SYT17: variants seen among roughly 807,000 people sequenced by gnomAD.
SYT17 encodes the protein synaptotagmin 17, also known as synaptotagmin-17.
A neutral mutation model predicts 46.7 loss-of-function variants in SYT17; 22 were observed. That is an observed-to-expected ratio of 0.47 (90% confidence interval 0.34 to 0.67). The LOEUF is 0.67. Ranked by LOEUF, SYT17 falls within the 30% of genes least tolerant of loss-of-function variation. SYT17 has a pLI of 0.01. For synonymous variants in SYT17, 251 were observed against 248.4 expected (o/e 1.01, Z -0.10); for missense variants, 519 against 612.8 (o/e 0.85, Z 1.62).
At chr16:19,264,769 T>C (rs1969249476) in intron 7 of SYT17, among the ~76,000 whole-genome samples, 1 of 152,078 alleles carries the variant, frequency 6.6e-6, no homozygotes, top group South Asian at 2.1e-4. Flanking sequence ...TTTTTTGTAT[T>C]TTTTAGTAAA....
intron 5 of SYT17, among the ~76,000 whole-genome samples, chr16:19,206,342 G>A (rs775776853): frequency 5.3e-5 from 8 of 152,158 alleles, no homozygotes; most frequent in Non-Finnish European, 1.0e-4. Flanking sequence ...TATATATATG[G>A]TATGTGTCCT....
chr16:19,261,892 C>T (rs1299933045), intron 7 of SYT17, among the ~76,000 whole-genome samples: 3 of 152,146 alleles, frequency 2.0e-5, no homozygotes, highest in East Asian at 1.9e-4. Context: ...TCATTTCCTC[C>T]AGTCTTATTC....
At chr16:19,189,400 G>T (rs867452994) in intron 5 of SYT17, among the ~76,000 whole-genome samples, 2 of 146,832 alleles carry the variant, frequency 1.4e-5, no homozygotes, top group Non-Finnish European at 3.0e-5. Context: ...GATTGCAGTC[G>T]TGTAATCATG....
chr16:19,228,792 A>G (rs80031226), intron 7 of SYT17, among the ~76,000 whole-genome samples: 1,685 of 152,264 alleles, frequency 0.011, 26 homozygotes, highest in African/African-American at 0.038. Context: ...TTATTTGTCC[A>G]CTGAGAGAAA....
chr16:19,203,823 G>A (rs1164496795), intron 5 of SYT17, among the ~76,000 whole-genome samples: 1 of 152,240 alleles, frequency 6.6e-6, no homozygotes, highest in Non-Finnish European at 1.5e-5. Context: ...AGGGATACCT[G>A]CCCTGCTGTG....
At chr16:19,242,108 T>C (rs62025396) in intron 7 of SYT17, among the ~76,000 whole-genome samples, 579 of 152,296 alleles carry the variant, frequency 3.8e-3, no homozygotes, top group Non-Finnish European at 6.6e-3. Context: ...GTTATATGTC[T>C]CAAGTGTTTA....
At chr16:19,194,818 G>A (rs1965169143) in intron 5 of SYT17, among the ~76,000 whole-genome samples, 1 of 152,010 alleles carries the variant, frequency 6.6e-6, no homozygotes, top group South Asian at 2.1e-4. Flanking sequence ...GGCTGGTCTC[G>A]AACTCCTGAC....
intron 7 of SYT17, among the ~76,000 whole-genome samples, chr16:19,229,458 G>A (rs1201679651): frequency 6.6e-6 from 1 of 152,032 alleles, no homozygotes; most frequent in Non-Finnish European, 1.5e-5. Context: ...CAGATCTCAG[G>A]AGAACTCACT....
chr16:19,173,611 C>T, intron 3 of SYT17, 33 bp downstream of exon 3: 1 of 1,607,458 alleles, frequency 6.2e-7, no homozygotes, highest in Non-Finnish European at 8.5e-7. Flanking sequence ...TCTCTGAAAT[C>T]AATTTCAAGA....
At chr16:19,173,158 A>T (rs1042578358) in intron 2 of SYT17, 1 of 541,778 alleles carries the variant, frequency 1.8e-6, no homozygotes, top group African/African-American at 1.9e-5. Flanking sequence ...CGTTCACATA[A>T]ACTACAAAAG....
In SYT17 at chr16:19,235,217, G is replaced by A. The variant is rs1033366447; in HGVS notation, c.1228+10379G>A. ...TTAAGAATAGGTTCCATAAAACTGT[G>A]TATGTACTACTGGACTCATCTCCAA... On this transcript the variant is annotated intron_variant, in intron 7 of 7. Coordinates refer to ENST00000355377, the MANE Select transcript of SYT17 (RefSeq NM_016524.4). Among the ~76,000 whole-genome samples, 7 of 151,978 alleles carry A rather than the reference G, an allele frequency of 4.6e-5. No homozygotes were observed. The South Asian group carries it at 1.5e-3, about 32-fold the overall frequency.
chr16:19,202,114 A>G (rs1432335091), intron 5 of SYT17, among the ~76,000 whole-genome samples: 4 of 151,956 alleles, frequency 2.6e-5, no homozygotes, highest in Admixed American at 2.6e-4. Flanking sequence ...TTCAATTCAT[A>G]CGGACACTAA....
At chr16:19,242,665 A>T (rs1182365211) in intron 7 of SYT17, among the ~76,000 whole-genome samples, 1 of 152,106 alleles carries the variant, frequency 6.6e-6, no homozygotes, top group African/African-American at 2.4e-5. Flanking sequence ...AGCTGGGACT[A>T]TAGGTGTGTG....
chr16:19,245,413 T>A (rs565116533), intron 7 of SYT17, among the ~76,000 whole-genome samples: 4 of 152,282 alleles, frequency 2.6e-5, no homozygotes, highest in Non-Finnish European at 5.9e-5. Flanking sequence ...GCTAGAATGA[T>A]GGGATTCTGT....
rs1230133766 is a variant in SYT17 at position 19,257,475 on chromosome 16, G to A, written c.1229-9405G>A. On this transcript the variant is annotated intron_variant, in intron 7 of 7. Transcript: ENST00000355377. ...AAAAAAGAGAGTGCTCCAGTGAGAA[G>A]AGGTTTTGCAAAAGTTGGAAAGACA... is the stretch of plus-strand genomic sequence containing the variant. Among the ~76,000 whole-genome samples the A allele has an allele frequency of 2.6e-5, 4 of 152,162 alleles. No individual in the cohort carries two copies. In the South Asian group the frequency reaches 6.2e-4, roughly 24 times the overall value.
intron 7 of SYT17, among the ~76,000 whole-genome samples, chr16:19,242,525 A>G (rs1468385330): frequency 6.7e-6 from 1 of 149,778 alleles, no homozygotes; most frequent in Non-Finnish European, 1.5e-5. Context: ...TTTTTTTTTA[A>G]TTAAAAAAAT....
chr16:19,209,602 G>A (rs550251595), intron 5 of SYT17, among the ~76,000 whole-genome samples: 37 of 152,110 alleles, frequency 2.4e-4, no homozygotes, highest in Non-Finnish European at 4.4e-4. Flanking sequence ...TGGGCGCGGT[G>A]GCTCACGCCT....
intron 1 of SYT17, 59 bp from the exon 2 acceptor site, chr16:19,172,697 CTCTT>C (rs1964147532): frequency 6.3e-6 from 10 of 1,590,686 alleles, no homozygotes; most frequent in African/African-American, 2.8e-5. Context: ...GGTCTTGTCT[CTCTT>C]TCTTTAACCC....
At chr16:19,243,308 A>C (rs574211142) in intron 7 of SYT17, among the ~76,000 whole-genome samples, 4 of 152,146 alleles carry the variant, frequency 2.6e-5, no homozygotes, top group Non-Finnish European at 5.9e-5. Flanking sequence ...TCCAGGAACC[A>C]GGGAGAGTAT....
Sources: allele counts gnomAD v4.1 joint callset (sites outside exome capture counted in the v4.1 genomes callset), GRCh38; gene constraint gnomAD v4.1.1; transcripts MANE v1.5; gene names NCBI Gene and HGNC (gene_info 2026-07-23, HGNC 2026-07-21).